The following BANF2 variants were observed in gnomAD, a reference collection of about 807,000 sequenced individuals.
BANF2 encodes the protein BANF family member 2, also known as barrier-to-autointegration factor-like protein.
BANF2 carries 4 observed loss-of-function variants against 8.0 expected under a neutral mutation model. The observed-to-expected ratio is 0.50, with a 90% CI of 0.25 to 1.14. The LOEUF (loss-of-function observed/expected upper bound fraction) is 1.14, where lower values mean the gene tolerates loss of function less well. BANF2 is among the 50% of genes most tolerant of loss of function. The pLI is 0.16. For synonymous variants in BANF2, 50 were observed against 40.6 expected (o/e 1.23, Z -0.88); for missense variants, 96 against 107.5 (o/e 0.89, Z 0.47).
chr20:17,697,932 C>T (rs1459364809), upstream of BANF2, among the ~76,000 whole-genome samples: 4 of 151,878 alleles, frequency 2.6e-5, no homozygotes, highest in African/African-American at 9.7e-5. Context: ...CGGCCGGGTA[C>T]GGTGGGTCAT....
chr20:17,698,673 G>A (rs1003726761), upstream of BANF2, among the ~76,000 whole-genome samples: 5 of 152,224 alleles, frequency 3.3e-5, no homozygotes, highest in East Asian at 1.9e-4. Flanking sequence ...GCAAAGATAC[G>A]CAGGTACTGG....
intron 3 of BANF2, among the ~76,000 whole-genome samples, chr20:17,733,219 T>G (rs891998908): frequency 1.3e-4 from 20 of 152,188 alleles, no homozygotes; most frequent in African/African-American, 4.8e-4. Flanking sequence ...GGGCAGGGGA[T>G]GCATTAGCCT....
upstream of BANF2, among the ~76,000 whole-genome samples, chr20:17,695,129 TTTTTAAAAAATGAACATTTTTCATTC>T (rs2037335572): frequency 6.6e-6 from 1 of 152,020 alleles, no homozygotes; most frequent in African/African-American, 2.4e-5. Context: ...CAGCTTGAAA[TTTTTAAAAAATGAACATTTTTCATTC>T]TGTTATTTAA....
chr20:17,706,466 A>G (rs1474960973), intron 1 of BANF2, among the ~76,000 whole-genome samples: 3 of 152,228 alleles, frequency 2.0e-5, no homozygotes, highest in African/African-American at 7.2e-5. Flanking sequence ...CTCTTCGCCA[A>G]GTATATGATC....
intron 2 of BANF2, among the ~76,000 whole-genome samples, chr20:17,723,943 C>T (rs963096929): frequency 2.0e-5 from 3 of 152,124 alleles, no homozygotes; most frequent in African/African-American, 4.8e-5. Flanking sequence ...TGCAGTGAGC[C>T]AAGATCATGC....
At chr20:17,699,479 C>T (rs2037379590), upstream of BANF2, among the ~76,000 whole-genome samples, 1 of 152,192 alleles carries the variant, frequency 6.6e-6, no homozygotes, top group African/African-American at 2.4e-5. Context: ...TAAGTTACTT[C>T]TCTTTCCTTG....
rs1440155557 is a variant in BANF2 at position 17,735,866 on chromosome 20, C to T, written c.*55C>T. 1 of 1,556,356 alleles carries T rather than the reference C, an allele frequency of 6.4e-7. No individual in the cohort carries two copies. ...CCTCTGGGGAAAATGACGCCTTCTCCACCTATGCCCAGGCTCCGAGTCCTC... is the reference window on the plus strand; with the variant it reads ...CCTCTGGGGAAAATGACGCCTTCTCTACCTATGCCCAGGCTCCGAGTCCTC... On this transcript the variant is annotated 3_prime_UTR_variant, in exon 4 of 4. Transcript: ENST00000246090.
chr20:17,734,730 T>C (rs1480873795), intron 3 of BANF2, among the ~76,000 whole-genome samples: 2 of 152,132 alleles, frequency 1.3e-5, no homozygotes, highest in Non-Finnish European at 2.9e-5. Context: ...CATCCTGCAA[T>C]GCACAGGACA....
At chr20:17,710,922 G>C (rs112134833) in intron 1 of BANF2, among the ~76,000 whole-genome samples, 1 of 151,454 alleles carries the variant, frequency 6.6e-6, no homozygotes, top group African/African-American at 2.4e-5. Flanking sequence ...GAGTCAGACT[G>C]TGTGGGAGTG....
At chr20:17,696,801 C>A (rs532051796), upstream of BANF2, among the ~76,000 whole-genome samples, 1 of 152,130 alleles carries the variant, frequency 6.6e-6, no homozygotes, top group East Asian at 1.9e-4. Context: ...TCAGCCAAGC[C>A]GCGATTGGAT....
chr20:17,708,625 C>T (rs1029078945), intron 1 of BANF2, among the ~76,000 whole-genome samples: 6 of 152,260 alleles, frequency 3.9e-5, no homozygotes, highest in Middle Eastern at 3.4e-3. Flanking sequence ...CTTTTATCAG[C>T]GCCCTTGCAC....
In BANF2 at chr20:17,703,668, C is replaced by T. The variant is rs1358501372; in HGVS notation, c.-167+3613C>T. On this transcript the variant is annotated intron_variant, in intron 1 of 3. Transcript: ENST00000246090. ...CTCACACAGCTGGGACTTTTGGGCT[C>T]TCCAAGAAACATCTCTATGCGGTTT... Among the ~76,000 whole-genome samples, 3 of 151,838 alleles carry T rather than the reference C, an allele frequency of 2.0e-5. No individual in the cohort carries two copies. The East Asian group carries it at 5.8e-4, about 29-fold the overall frequency.
At chr20:17,701,922 T>A (rs2037415317) in intron 1 of BANF2, among the ~76,000 whole-genome samples, 1 of 152,172 alleles carries the variant, frequency 6.6e-6, no homozygotes. Context: ...GGTTCTTTCC[T>A]ATCAAGATTA....
chr20:17,705,163 G>C (rs2122575883), intron 1 of BANF2, among the ~76,000 whole-genome samples: 1 of 152,282 alleles, frequency 6.6e-6, no homozygotes, highest in East Asian at 1.9e-4. Flanking sequence ...GCGAGGCCTG[G>C]TCATGTGTGT....
At chr20:17,720,067 G>T (rs2037707340) in intron 1 of BANF2, among the ~76,000 whole-genome samples, 2 of 152,216 alleles carry the variant, frequency 1.3e-5, no homozygotes, top group African/African-American at 2.4e-5. Context: ...AAACTCTGGA[G>T]GTGGGATCCA....
At chr20:17,696,660 T>C (rs574947016), upstream of BANF2, among the ~76,000 whole-genome samples, 1 of 152,342 alleles carries the variant, frequency 6.6e-6, no homozygotes, top group African/African-American at 2.4e-5. Flanking sequence ...TGGGTAATGC[T>C]GAAAATATTG....
upstream of BANF2, among the ~76,000 whole-genome samples, chr20:17,699,476 C>A (rs1480909338): frequency 6.6e-6 from 1 of 152,150 alleles, no homozygotes; most frequent in Non-Finnish European, 1.5e-5. Flanking sequence ...ATTTAAGTTA[C>A]TTCTCTTTCC....
intron 1 of BANF2, among the ~76,000 whole-genome samples, chr20:17,720,986 C>A (rs971951048): frequency 1.3e-5 from 2 of 152,144 alleles, no homozygotes; most frequent in African/African-American, 2.4e-5. Context: ...TAACAAAAAA[C>A]CCCCAGGTGG....
chr20:17,726,220 C>G (rs917311809), intron 3 of BANF2, among the ~76,000 whole-genome samples: 1 of 152,166 alleles, frequency 6.6e-6, no homozygotes, highest in African/African-American at 2.4e-5. Flanking sequence ...GGGTCTCACT[C>G]TGTTGCACAG....
Sources: allele counts gnomAD v4.1 joint callset (sites outside exome capture counted in the v4.1 genomes callset), GRCh38; gene constraint gnomAD v4.1.1; transcripts MANE v1.5; gene names NCBI Gene and HGNC (gene_info 2026-07-23, HGNC 2026-07-21).